The following BICC1 variants were observed in gnomAD, a reference collection of about 807,000 sequenced individuals.
The protein encoded by BICC1 is BicC family RNA binding protein 1.
In BICC1, 43 loss-of-function variants were observed where a neutral mutation model predicts 111.0. That is an observed-to-expected ratio of 0.39 (90% CI 0.30 to 0.50). The LOEUF is 0.50. Among genes scored for constraint, BICC1 ranks in the 20% least tolerant of loss-of-function variants. The pLI, the probability that BICC1 is intolerant of heterozygous loss-of-function variation, is 0.88. For missense variants in BICC1, 1,091 were observed against 1,203.2 expected (o/e 0.91, Z 1.38); for synonymous variants, 467 against 434.4 (o/e 1.07, Z -0.93).
chr10:58,783,705 A>G (rs1203522891), intron 3 of BICC1, among the ~76,000 whole-genome samples: 1 of 152,234 alleles, frequency 6.6e-6, no homozygotes, highest in African/African-American at 2.4e-5. Flanking sequence ...CTTAGCCAGT[A>G]CTAACTGACT....
intron 18 of BICC1, among the ~76,000 whole-genome samples, chr10:58,814,745 G>A (rs570032119): frequency 6.6e-6 from 1 of 151,936 alleles, no homozygotes; most frequent in East Asian, 1.9e-4. Context: ...GCAGTGAGCT[G>A]TAATTGAACC....
At chr10:58,736,714 T>C (rs1382107849) in intron 3 of BICC1, among the ~76,000 whole-genome samples, 1 of 152,196 alleles carries the variant, frequency 6.6e-6, no homozygotes, top group Non-Finnish European at 1.5e-5. Context: ...AAAATACATA[T>C]GTATTTAAAA....
intron 2 of BICC1, among the ~76,000 whole-genome samples, chr10:58,677,829 T>C (rs1839392245): frequency 6.6e-6 from 1 of 152,310 alleles, no homozygotes; most frequent in Non-Finnish European, 1.5e-5. Flanking sequence ...GAGAAGCCCA[T>C]CAGGCTAACA....
intron 20 of BICC1, among the ~76,000 whole-genome samples, chr10:58,827,756 A>G (rs904381443): frequency 2.6e-5 from 4 of 152,182 alleles, no homozygotes; most frequent in Admixed American, 2.6e-4. Flanking sequence ...TTTTAAAGAA[A>G]TGAAAAAAGC....
chr10:58,553,840 T>TA (rs2031118077), intron 1 of BICC1, among the ~76,000 whole-genome samples: 1 of 151,758 alleles, frequency 6.6e-6, no homozygotes, highest in Non-Finnish European at 1.5e-5. Flanking sequence ...ACTTTGTCAA[T>TA]AGAGTACAAA....
intron 10 of BICC1, among the ~76,000 whole-genome samples, chr10:58,798,137 A>T (rs555765728): frequency 1.3e-5 from 2 of 152,312 alleles, no homozygotes; most frequent in South Asian, 4.1e-4. Context: ...GTGATGTTCA[A>T]TGACCCTAAC....
chr10:58,717,467 T>C (rs972640823), intron 3 of BICC1, among the ~76,000 whole-genome samples: 46 of 152,208 alleles, frequency 3.0e-4, no homozygotes, highest in African/African-American at 9.2e-4. Flanking sequence ...AATGTAATGT[T>C]TTAAAAGTTT....
At chr10:58,527,605 T>C (rs1741180671) in intron 1 of BICC1, among the ~76,000 whole-genome samples, 1 of 152,090 alleles carries the variant, frequency 6.6e-6, no homozygotes, top group African/African-American at 2.4e-5. Flanking sequence ...TTGTATAAGG[T>C]GTAAGGAAGG....
At position 58,799,163 on chromosome 10, in the gene BICC1, C is replaced by T. The variant is rs779127223; in HGVS notation, c.1636C>T (p.Pro546Ser). ...PTYGHTAPSP[P>S]PGLTPVDVHI... ...CTATGGGCACACAGCTCCATCTCCC[C>T]CTCCTGGCTTGACTCCTGTTGATGT... The change falls in exon 12 of 21, where the codon CCT becomes TCT. Residue 546 changes from proline to serine, a missense_variant. Around this residue, in one of 3 missense-constraint regions of BICC1, gnomAD observed 843 missense variants for 900.8 expected, o/e 0.94. Coordinates refer to ENST00000373886, the MANE Select transcript of BICC1 (RefSeq NM_001080512.3). The T allele has an allele frequency of 6.2e-7, 1 of 1,613,814 alleles. No homozygotes were observed. The highest frequency in any genetic ancestry group is 2.2e-5 in the East Asian group (1 of 44,814).
chr10:58,754,820 A>C (rs1589105269), intron 3 of BICC1, among the ~76,000 whole-genome samples: 1 of 152,026 alleles, frequency 6.6e-6, no homozygotes, highest in Non-Finnish European at 1.5e-5. Flanking sequence ...TGCAAGAAGA[A>C]ATGGTTTGAG....
chr10:58,734,956 A>C (rs988038681), intron 3 of BICC1, among the ~76,000 whole-genome samples: 7 of 152,182 alleles, frequency 4.6e-5, no homozygotes, highest in South Asian at 4.1e-4. Flanking sequence ...TTACAGAATG[A>C]ATTTTCATCC....
chr10:58,737,550 A>T (rs1021465202), intron 3 of BICC1, among the ~76,000 whole-genome samples: 33 of 152,350 alleles, frequency 2.2e-4, no homozygotes, highest in Non-Finnish European at 3.5e-4. Context: ...ATAGTGCCAC[A>T]ATAAACATAG....
At chr10:58,567,194 T>G (rs1843794361) in intron 1 of BICC1, among the ~76,000 whole-genome samples, 1 of 152,140 alleles carries the variant, frequency 6.6e-6, no homozygotes, top group Non-Finnish European at 1.5e-5. Flanking sequence ...CTTTCTATGC[T>G]TAATGGTTTA....
At chr10:58,641,760 T>C (rs531543695) in intron 2 of BICC1, among the ~76,000 whole-genome samples, 203 of 152,324 alleles carry the variant, frequency 1.3e-3, no homozygotes, top group African/African-American at 4.7e-3. Context: ...AGATTCTTTT[T>C]TCAAGAAATT....
intron 8 of BICC1, among the ~76,000 whole-genome samples, chr10:58,792,310 A>G (rs1281442879): frequency 6.6e-6 from 1 of 152,188 alleles, no homozygotes; most frequent in South Asian, 2.1e-4. Context: ...CAGTAGTAAC[A>G]ATTTACTCCA....
intron 17 of BICC1, among the ~76,000 whole-genome samples, 190 bp from the exon 18 acceptor site, chr10:58,813,640 T>C (rs1843985769): frequency 1.3e-5 from 2 of 152,282 alleles, no homozygotes; most frequent in African/African-American, 2.4e-5. Context: ...AATTACCAAG[T>C]GTCCTTGGTG....
chr10:58,776,412 A>G (rs889058228), intron 3 of BICC1, among the ~76,000 whole-genome samples: 4 of 152,238 alleles, frequency 2.6e-5, no homozygotes, highest in African/African-American at 7.2e-5. Flanking sequence ...TGTGAACATC[A>G]GTATTCCTGG....
intron 2 of BICC1, among the ~76,000 whole-genome samples, chr10:58,643,880 A>G (rs1838191778): frequency 6.6e-6 from 1 of 152,198 alleles, no homozygotes; most frequent in Admixed American, 6.5e-5. Flanking sequence ...TTACCTAATG[A>G]GACACTGCAG....
chr10:58,792,564 G>T (rs1167693658), intron 8 of BICC1, among the ~76,000 whole-genome samples: 1 of 152,068 alleles, frequency 6.6e-6, no homozygotes, highest in Admixed American at 6.6e-5. Context: ...GATTAGCAGT[G>T]GCATAAGATT....
Sources: allele counts gnomAD v4.1 joint callset (sites outside exome capture counted in the v4.1 genomes callset), GRCh38; gene constraint gnomAD v4.1.1; regional missense constraint gnomAD v4.1.1; transcripts MANE v1.5; gene names NCBI Gene and HGNC (gene_info 2026-07-23, HGNC 2026-07-21).